The following CBR4 variants were observed in gnomAD, a reference collection of about 807,000 sequenced individuals.
CBR4 encodes the protein carbonyl reductase 4, also known as 3-oxoacyl-[acyl-carrier-protein] reductase.
CBR4 carries 22 observed loss-of-function variants against 21.0 expected under a neutral mutation model. The observed-to-expected ratio is 1.05, with a 90% CI of 0.75 to 1.50. CBR4 has a LOEUF of 1.50. Among genes scored for constraint, CBR4 ranks in the 40% most tolerant of loss-of-function variants. The pLI, the probability that CBR4 is intolerant of heterozygous loss-of-function variation, is 0.00. For missense variants in CBR4, 302 were observed against 286.3 expected (o/e 1.05, Z -0.40); for synonymous variants, 100 against 104.4 (o/e 0.96, Z 0.26).
downstream of CBR4, among the ~76,000 whole-genome samples, chr4:168,982,620 C>G (rs1162616662): frequency 6.6e-6 from 1 of 152,140 alleles, no homozygotes; most frequent in African/African-American, 2.4e-5. Flanking sequence ...AATATACGTT[C>G]TTCTCATCTG....
In CBR4 at chr4:168,988,661, C is replaced by G. The variant is rs1180130607; in HGVS notation, c.*1489G>C. 2 of 983,564 alleles carry G rather than the reference C, an allele frequency of 2.0e-6. No individual in the cohort carries two copies. The highest frequency in any genetic ancestry group is 2.4e-6 in the Non-Finnish European group (2 of 828,338). The allele number at this position is 983,564 out of a possible 1,614,324, so 60.9% of individuals were successfully genotyped here. On this transcript the variant is annotated 3_prime_UTR_variant, in exon 5 of 5. Transcript: ENST00000306193. Reference sequence around the variant, plus strand: ...AATGCCTGATAAATTCTGTATATTACCACGTCTTGCATTTAATAGACAATT... The same window carrying G: ...AATGCCTGATAAATTCTGTATATTAGCACGTCTTGCATTTAATAGACAATT...
intron 2 of CBR4, among the ~76,000 whole-genome samples, chr4:168,912,594 A>G (rs1345693187): frequency 6.6e-6 from 1 of 152,142 alleles, no homozygotes; most frequent in Non-Finnish European, 1.5e-5. Context: ...TTTTGCTTTT[A>G]TTATTTTTAG....
At chr4:168,930,516 T>C (rs1416272677) in intron 2 of CBR4, among the ~76,000 whole-genome samples, 1 of 152,128 alleles carries the variant, frequency 6.6e-6, no homozygotes, top group Non-Finnish European at 1.5e-5. Context: ...GGAAGGGAAG[T>C]TACATAAGAG....
intron 2 of CBR4, among the ~76,000 whole-genome samples, chr4:168,969,783 T>A (rs1331631777): frequency 3.3e-5 from 5 of 152,186 alleles, no homozygotes; most frequent in Admixed American, 3.3e-4. Flanking sequence ...CACAGACCAG[T>A]GGAATCAGCA....
At chr4:168,991,275 C>T (rs915210320) in intron 4 of CBR4, among the ~76,000 whole-genome samples, 3 of 152,132 alleles carry the variant, frequency 2.0e-5, no homozygotes, top group Non-Finnish European at 4.4e-5. Context: ...TGGTCACTTG[C>T]ACACCCGATT....
At chr4:168,973,661 C>T (rs2126763729) in intron 2 of CBR4, among the ~76,000 whole-genome samples, 1 of 152,340 alleles carries the variant, frequency 6.6e-6, no homozygotes, top group South Asian at 2.1e-4. Flanking sequence ...AGAATTCAGT[C>T]ATGAATCCAT....
chr4:168,903,819 A>T lies in CBR4; in HGVS notation n.170-9054T>A, dbSNP rs1757058174. 3.7e-6 allele frequency: 6 copies of T among 1,612,290 alleles called. No homozygotes were observed. ...AGAGTGATCACTACACCATTCAAAG[A>T]GATCTCGATGGGACCTGCTCCCTCC... On this transcript the variant is annotated intron_variant and non_coding_transcript_variant, in intron 2 of 3. Coordinates refer to the CBR4 transcript ENST00000509108.
intron 2 of CBR4, chr4:168,925,170 A>C: frequency 6.3e-7 from 1 of 1,584,810 alleles, no homozygotes; most frequent in Non-Finnish European, 8.7e-7. Context: ...CTCTTTATAA[A>C]CAACTATTGT....
intron 2 of CBR4, among the ~76,000 whole-genome samples, chr4:168,907,313 T>C (rs566271864): frequency 1.3e-5 from 2 of 152,286 alleles, no homozygotes; most frequent in East Asian, 3.9e-4. Context: ...ATCAGTTCTG[T>C]GTCTAGGTAC....
At chr4:168,918,083 C>T (rs1204096311) in intron 2 of CBR4, among the ~76,000 whole-genome samples, 2 of 151,808 alleles carry the variant, frequency 1.3e-5, no homozygotes, top group Non-Finnish European at 2.9e-5. Context: ...TCTGTAGTCC[C>T]AGCTACTCAG....
At chr4:169,009,910 G>T in intron 1 of CBR4, 38 bp downstream of exon 1, 2 of 1,581,966 alleles carry the variant, frequency 1.3e-6, no homozygotes, top group Middle Eastern at 4.4e-4. Context: ...CGCCTGGACC[G>T]CGGCCATACA....
chr4:168,993,396 A>C (rs1158860525), intron 4 of CBR4, among the ~76,000 whole-genome samples: 1 of 152,072 alleles, frequency 6.6e-6, no homozygotes, highest in East Asian at 1.9e-4. Flanking sequence ...TTACTAGTAG[A>C]GACGGGGTTT....
intron 2 of CBR4, among the ~76,000 whole-genome samples, chr4:168,905,410 A>C (rs1018660349): frequency 4.6e-5 from 7 of 151,534 alleles, no homozygotes; most frequent in African/African-American, 1.7e-4. Context: ...GGCCTCCCAA[A>C]GTGTTAGCAT....
chr4:169,008,004 G>A (rs1249321540), intron 1 of CBR4, among the ~76,000 whole-genome samples: 1 of 152,136 alleles, frequency 6.6e-6, no homozygotes, highest in Non-Finnish European at 1.5e-5. Context: ...TCAACAAAGG[G>A]GGGAGGGCTT....
At chr4:168,955,325 A>T (rs1763653707) in intron 2 of CBR4, among the ~76,000 whole-genome samples, 3 of 152,214 alleles carry the variant, frequency 2.0e-5, no homozygotes, top group African/African-American at 7.2e-5. Context: ...TCAGAGATTA[A>T]AGTGATTCTC....
intron 2 of CBR4, among the ~76,000 whole-genome samples, chr4:168,918,826 C>G (rs74315547): frequency 0.014 from 2,080 of 152,120 alleles, 15 homozygotes; most frequent in Non-Finnish European, 0.021. Context: ...TTCATACAGA[C>G]CACTTGTAAA....
intron 2 of CBR4, among the ~76,000 whole-genome samples, chr4:168,900,644 G>A (rs571068419): frequency 7.2e-5 from 11 of 152,130 alleles, no homozygotes; most frequent in East Asian, 1.9e-4. Flanking sequence ...AAACTGAATC[G>A]CAACGCCAAA....
intron 1 of CBR4, among the ~76,000 whole-genome samples, chr4:169,008,059 C>A (rs1731069874): frequency 6.6e-6 from 1 of 152,160 alleles, no homozygotes; most frequent in African/African-American, 2.4e-5. Flanking sequence ...ATATTTATAG[C>A]TTTAACACTG....
Position 168,926,304 on chromosome 4 carries a change from C to T in CBR4, n.170-31539G>A, listed in dbSNP as rs369747738. ...CAGCACTTTCGGACCAGGGACTAGACATCAAAGCAGCGTTCCAACCTGAGG... is the reference window on the plus strand; with the variant it reads ...CAGCACTTTCGGACCAGGGACTAGATATCAAAGCAGCGTTCCAACCTGAGG... On this transcript the variant is annotated intron_variant and non_coding_transcript_variant, in intron 2 of 3. Transcript: ENST00000509108. 6.4e-5 allele frequency: 99 copies of T among 1,537,148 alleles called. No homozygotes were observed. The highest frequency in any genetic ancestry group is 7.5e-5 in the Non-Finnish European group (86 of 1,146,846).
Sources: gnomAD v4.1 joint callset for allele counts (sites outside exome capture counted in the v4.1 genomes callset) on GRCh38, gnomAD v4.1.1 for gene constraint, MANE v1.5 for transcripts, NCBI Gene and HGNC (gene_info 2026-07-23, HGNC 2026-07-21) for gene names.